The following STAG1 variants were observed in gnomAD, a reference collection of about 807,000 sequenced individuals.
STAG1 encodes STAG1 cohesin complex component, also known as cohesin subunit SA-1.
Under a neutral mutation model 170.9 loss-of-function variants are expected in STAG1, and 26 were observed. The observed-to-expected ratio is 0.15, with a 90% CI of 0.11 to 0.21. The LOEUF is 0.21. STAG1 is among the 10% of genes least tolerant of loss of function. The pLI is 1.00. For synonymous variants in STAG1, 514 were observed against 497.7 expected, an observed-to-expected ratio of 1.03 and a Z score of -0.44; for missense variants, 964 against 1,509.5, an observed-to-expected ratio of 0.64 and a Z score of 5.99.
At chr3:136,651,936 A>T (rs957962654) in intron 1 of STAG1, among the ~76,000 whole-genome samples, 1 of 152,162 alleles carries the variant, frequency 6.6e-6, no homozygotes, top group African/African-American at 2.4e-5. Flanking sequence ...GGAAGAGGTA[A>T]CACCTGAAGT....
intron 4 of STAG1, among the ~76,000 whole-genome samples, chr3:136,598,719 G>A (rs1024896733): frequency 2.6e-5 from 4 of 152,054 alleles, no homozygotes; most frequent in East Asian, 3.9e-4. Flanking sequence ...GAGCCACCGC[G>A]CCCGGCCAAT....
At chr3:136,576,862 C>G (rs1937481019) in intron 4 of STAG1, among the ~76,000 whole-genome samples, 1 of 152,138 alleles carries the variant, frequency 6.6e-6, no homozygotes. Context: ...ACAGAGAATT[C>G]GTATTCTATA....
chr3:136,628,624 C>T (rs925747003), intron 2 of STAG1, among the ~76,000 whole-genome samples: 1 of 152,208 alleles, frequency 6.6e-6, no homozygotes, highest in Non-Finnish European at 1.5e-5. Flanking sequence ...GAAAAGTAGA[C>T]TAAACAAAGG....
chr3:136,337,392 G>A lies in STAG1; in HGVS notation c.*862C>T, dbSNP rs1283913116. The A allele has an allele frequency of 6.6e-6, 1 of 152,594 alleles. No individual in the cohort carries two copies. The highest frequency in any genetic ancestry group is 1.5e-5 in the Non-Finnish European group (1 of 68,026). 9.5% of individuals were successfully genotyped at this position (152,594 alleles called of 1,614,324 possible). On this transcript the variant is annotated 3_prime_UTR_variant, in exon 34 of 34. Transcript: ENST00000383202. The stretch of plus-strand genomic sequence containing the variant: ...TAAAAACAGCAAACTGATAACTTGA[G>A]AATCATTTTCGTTTTACTGAGAATA...
At chr3:136,597,334 C>A (rs1402653294) in intron 4 of STAG1, among the ~76,000 whole-genome samples, 1 of 152,222 alleles carries the variant, frequency 6.6e-6, no homozygotes, top group East Asian at 1.9e-4. Context: ...ACAGTGTAAA[C>A]ACTCATTAAA....
intron 1 of STAG1, among the ~76,000 whole-genome samples, chr3:136,654,678 T>A (rs896719509): frequency 1.5e-4 from 23 of 152,236 alleles, no homozygotes; most frequent in African/African-American, 5.3e-4. Flanking sequence ...GCCAAAACAA[T>A]CTTGAATTTG....
intron 14 of STAG1, among the ~76,000 whole-genome samples, chr3:136,446,811 T>C (rs913479132): frequency 9.1e-5 from 13 of 142,300 alleles, no homozygotes; most frequent in African/African-American, 3.5e-4. Flanking sequence ...CTCTTTCATA[T>C]TTTTTTTTTT....
intron 1 of STAG1, among the ~76,000 whole-genome samples, chr3:136,675,596 T>C (rs1942106930): frequency 1.3e-5 from 2 of 152,144 alleles, no homozygotes; most frequent in South Asian, 2.1e-4. Context: ...AACTATACAA[T>C]ATAGTAGGTT....
chr3:136,671,006 C>G (rs1009408283), intron 1 of STAG1, among the ~76,000 whole-genome samples: 3 of 151,952 alleles, frequency 2.0e-5, no homozygotes, highest in East Asian at 1.9e-4. Flanking sequence ...AAGTACCGGC[C>G]GGGTGTGGTG....
chr3:136,602,119 G>T (rs185076910), intron 4 of STAG1, among the ~76,000 whole-genome samples: 2 of 152,054 alleles, frequency 1.3e-5, no homozygotes, highest in Non-Finnish European at 2.9e-5. Flanking sequence ...AGTGGCTCAC[G>T]TCTATAATCC....
At chr3:136,644,908 G>C (rs1940945446) in intron 1 of STAG1, among the ~76,000 whole-genome samples, 2 of 151,986 alleles carry the variant, frequency 1.3e-5, no homozygotes, top group South Asian at 4.2e-4. Context: ...TTTTGGTAGA[G>C]ACACAGGGTT....
intron 14 of STAG1, among the ~76,000 whole-genome samples, chr3:136,445,073 T>C (rs1417991433): frequency 6.7e-6 from 1 of 149,464 alleles, no homozygotes; most frequent in East Asian, 2.0e-4. Context: ...ACTAGGCTGG[T>C]TTCAGTGTGA....
chr3:136,522,968 T>C (rs998644281), intron 6 of STAG1, among the ~76,000 whole-genome samples: 2 of 152,208 alleles, frequency 1.3e-5, no homozygotes, highest in African/African-American at 2.4e-5. Context: ...CAGTCTATCA[T>C]TGATGGACAT....
intron 1 of STAG1, among the ~76,000 whole-genome samples, chr3:136,636,852 C>T (rs890627757): frequency 6.6e-6 from 1 of 152,186 alleles, no homozygotes; most frequent in Non-Finnish European, 1.5e-5. Flanking sequence ...ATCCCAGCAG[C>T]TCAGGGAGCA....
intron 7 of STAG1, among the ~76,000 whole-genome samples, chr3:136,513,430 A>C (rs893536748): frequency 6.6e-6 from 1 of 152,164 alleles, no homozygotes; most frequent in African/African-American, 2.4e-5. Context: ...ATTAATAAAC[A>C]TGAGGTAACA....
At chr3:136,419,688 C>CCTGG (rs936160559) in intron 20 of STAG1, among the ~76,000 whole-genome samples, 5 of 151,188 alleles carry the variant, frequency 3.3e-5, no homozygotes, top group African/African-American at 1.2e-4. Flanking sequence ...GTCTTGAACC[C>CCTGG]CTGGGCTCAA....
chr3:136,473,025 T>C (rs141999909), intron 11 of STAG1, among the ~76,000 whole-genome samples: 4 of 152,298 alleles, frequency 2.6e-5, no homozygotes, highest in Admixed American at 1.3e-4. Flanking sequence ...ACTCCCACTA[T>C]TGCCTGAGCT....
chr3:136,663,957 A>G (rs1382421085), intron 1 of STAG1, among the ~76,000 whole-genome samples: 1 of 152,212 alleles, frequency 6.6e-6, no homozygotes, highest in Non-Finnish European at 1.5e-5. Context: ...ATCCAAGCTT[A>G]AAATGCAAAG....
intron 2 of STAG1, among the ~76,000 whole-genome samples, chr3:136,626,363 T>A (rs756897172): frequency 6.6e-6 from 1 of 150,884 alleles, no homozygotes; most frequent in Admixed American, 6.6e-5. Context: ...GAGGCGTAGG[T>A]TGGCCGAGCC....
Sources: allele counts gnomAD v4.1 joint callset (sites outside exome capture counted in the v4.1 genomes callset), GRCh38; gene constraint gnomAD v4.1.1; transcripts MANE v1.5; gene names NCBI Gene and HGNC (gene_info 2026-07-23, HGNC 2026-07-21).